The following TMEM163 variants were observed in gnomAD, a reference collection of about 807,000 sequenced individuals.
TMEM163 encodes the protein transmembrane protein 163.
A neutral mutation model predicts 29.3 loss-of-function variants in TMEM163; 17 were observed. That is an observed-to-expected ratio of 0.58 (90% CI 0.40 to 0.87). The LOEUF (loss-of-function observed/expected upper bound fraction) is 0.87, where lower values mean the gene tolerates loss of function less well. Among genes scored for constraint, TMEM163 ranks in the 40% least tolerant of loss-of-function variants. The pLI, the probability that TMEM163 is intolerant of heterozygous loss-of-function variation, is 0.00. For synonymous variants in TMEM163, 157 were observed against 160.6 expected (o/e 0.98, Z 0.17); for missense variants, 303 against 381.5 (o/e 0.79, Z 1.71).
In TMEM163 at chr2:134,642,685, A is replaced by T. The variant is rs539409490; in HGVS notation, c.322+70515T>A. Among the ~76,000 whole-genome samples, 7 of 152,348 alleles carry T rather than the reference A, an allele frequency of 4.6e-5. No homozygotes were observed. The East Asian group carries it at 1.3e-3, about 29-fold the overall frequency. ...ATATCCTCTGACTATAATGGGATTA[A>T]ATTAGCAATCAACAATGGAAAGATG... On this transcript the variant is annotated intron_variant, in intron 2 of 7. Coordinates refer to ENST00000281924, the MANE Select transcript of TMEM163 (RefSeq NM_030923.5).
At chr2:134,477,337 G>A (rs959586544) in intron 5 of TMEM163, among the ~76,000 whole-genome samples, 3 of 152,200 alleles carry the variant, frequency 2.0e-5, no homozygotes, top group East Asian at 3.8e-4. Flanking sequence ...ACCATAGTGC[G>A]ATCTGTTTGT....
At chr2:134,618,614 C>T (rs1682663215) in intron 2 of TMEM163, among the ~76,000 whole-genome samples, 1 of 152,002 alleles carries the variant, frequency 6.6e-6, no homozygotes, top group East Asian at 1.9e-4. Context: ...GGAACATTCT[C>T]CAGAACAGAC....
chr2:134,687,847 A>G (rs1408779601), intron 2 of TMEM163, among the ~76,000 whole-genome samples: 1 of 152,178 alleles, frequency 6.6e-6, no homozygotes, highest in African/African-American at 2.4e-5. Context: ...ACAATTCCCA[A>G]ACTTAAGGAG....
chr2:134,534,159 T>C lies in TMEM163; in HGVS notation c.458+16411A>G, dbSNP rs138057846. On this transcript the variant is annotated intron_variant, in intron 4 of 7. Coordinates refer to ENST00000281924, the MANE Select transcript of TMEM163 (RefSeq NM_030923.5). ...TGAATTGAACTGAATATTTTACTCA[T>C]TAAATGAGTAAATATCAGGGTCAGG... Among the ~76,000 whole-genome samples, 691 of 152,208 alleles carry C rather than the reference T, an allele frequency of 4.5e-3. 4 individuals carry two copies. The highest frequency in any genetic ancestry group is 0.016 in the African/African-American group (659 of 41,542).
At position 134,661,925 on chromosome 2, in the gene TMEM163, CTTTCTTTTTTT is replaced by C. The variant is rs1234709514; in HGVS notation, c.322+51264_322+51274del. Among the ~76,000 whole-genome samples the C allele has an allele frequency of 6.2e-4, 49 of 79,064 alleles. 1 individual carries two copies. The highest frequency in any genetic ancestry group is 2.6e-3 in the African/African-American group (45 of 16,988). 51.9% of individuals were successfully genotyped at this position (79,064 alleles called of 152,430 possible). A position where few individuals can be genotyped will look rare whatever the true frequency, so the allele number is the denominator to read the frequency against. On this transcript the variant is annotated intron_variant, in intron 2 of 7. Coordinates refer to ENST00000281924, the MANE Select transcript of TMEM163 (RefSeq NM_030923.5). Reference sequence around the variant, plus strand: ...AAGTTTTCATGGATTCATTAATTTTCTTTCTTTTTTTTTTTTTTTTTTTTGAGATGGAGTCT... The same window carrying C: ...AAGTTTTCATGGATTCATTAATTTTCTTTTTTTTTTTTTGAGATGGAGTCT...
chr2:134,641,781 C>T (rs1335132027), intron 2 of TMEM163, among the ~76,000 whole-genome samples: 1 of 152,048 alleles, frequency 6.6e-6, no homozygotes, highest in Non-Finnish European at 1.5e-5. Context: ...AATTAAAAAA[C>T]AGAGGCTATA....
chr2:134,464,809 C>A (rs1029064652), intron 6 of TMEM163, among the ~76,000 whole-genome samples: 1 of 151,962 alleles, frequency 6.6e-6, no homozygotes, highest in African/African-American at 2.4e-5. Context: ...CAGATGGATT[C>A]TTGGGCCAGA....
chr2:134,566,788 T>A (rs1032485291), intron 2 of TMEM163, among the ~76,000 whole-genome samples: 1 of 152,198 alleles, frequency 6.6e-6, no homozygotes, highest in South Asian at 2.1e-4. Flanking sequence ...TTATTACAGA[T>A]GTATAACAAC....
intron 2 of TMEM163, among the ~76,000 whole-genome samples, chr2:134,701,211 T>C (rs1276080788): frequency 1.3e-5 from 2 of 151,574 alleles, no homozygotes; most frequent in African/African-American, 4.8e-5. Flanking sequence ...TCAGAGTGAA[T>C]TTAAAAAAAA....
chr2:134,567,188 A>G (rs900254592), intron 2 of TMEM163, among the ~76,000 whole-genome samples: 1 of 152,160 alleles, frequency 6.6e-6, no homozygotes, highest in Non-Finnish European at 1.5e-5. Flanking sequence ...ATGCTCCACA[A>G]CCAAAGAAAG....
chr2:134,624,072 G>A (rs1181541774), intron 2 of TMEM163, among the ~76,000 whole-genome samples: 1 of 152,206 alleles, frequency 6.6e-6, no homozygotes, highest in Non-Finnish European at 1.5e-5. Context: ...GGTTGAAGAT[G>A]GCAGGCAATC....
chr2:134,629,447 T>A (rs1558970195), intron 2 of TMEM163, among the ~76,000 whole-genome samples: 1 of 152,234 alleles, frequency 6.6e-6, no homozygotes, highest in Non-Finnish European at 1.5e-5. Context: ...AGTATTAATA[T>A]ATTAATGATA....
At chr2:134,464,493 C>T (rs1246590855) in intron 6 of TMEM163, among the ~76,000 whole-genome samples, 1 of 152,178 alleles carries the variant, frequency 6.6e-6, no homozygotes, top group Non-Finnish European at 1.5e-5. Flanking sequence ...TGGGATTTTG[C>T]AGTCAGGATG....
intron 5 of TMEM163, among the ~76,000 whole-genome samples, chr2:134,495,910 C>G (rs1679544706): frequency 6.6e-6 from 1 of 152,134 alleles, no homozygotes; most frequent in Admixed American, 6.5e-5. Flanking sequence ...TTCCTTGTTC[C>G]CACCTCATGA....
intron 2 of TMEM163, among the ~76,000 whole-genome samples, chr2:134,562,158 T>C (rs912293138): frequency 6.6e-6 from 1 of 152,222 alleles, no homozygotes; most frequent in Non-Finnish European, 1.5e-5. Context: ...TGGCTTGGTG[T>C]CTTTTTGGGC....
intron 2 of TMEM163, among the ~76,000 whole-genome samples, chr2:134,591,832 TTA>T (rs1681940806): frequency 6.6e-6 from 1 of 152,048 alleles, no homozygotes. Flanking sequence ...CAACACAATC[TTA>T]TGTTTTCCTG....
At chr2:134,553,936 G>T (rs75526878) in intron 2 of TMEM163, among the ~76,000 whole-genome samples, 4,964 of 152,338 alleles carry the variant, frequency 0.033, 195 homozygotes, top group Middle Eastern at 0.14. Flanking sequence ...TTGACTCACA[G>T]CACGTGCTCC....
intron 2 of TMEM163, among the ~76,000 whole-genome samples, chr2:134,617,601 C>CAA (rs780180469): frequency 5.5e-5 from 4 of 72,452 alleles, no homozygotes; most frequent in Admixed American, 1.5e-4. Flanking sequence ...GACCCCATCT[C>CAA]AAAAAAAAAA....
intron 2 of TMEM163, among the ~76,000 whole-genome samples, chr2:134,629,168 A>G (rs1345831238): frequency 6.6e-6 from 1 of 152,206 alleles, no homozygotes; most frequent in African/African-American, 2.4e-5. Context: ...AAGATAAGAA[A>G]ACTGTGGCAC....
Sources: allele counts gnomAD v4.1 joint callset (sites outside exome capture counted in the v4.1 genomes callset), GRCh38; gene constraint gnomAD v4.1.1; transcripts MANE v1.5; gene names NCBI Gene and HGNC (gene_info 2026-07-23, HGNC 2026-07-21).